The following CDKL4 variants were observed in gnomAD, a reference collection of about 807,000 sequenced individuals.
CDKL4 encodes cyclin dependent kinase like 4, also known as cyclin-dependent kinase-like 4.
Under a neutral mutation model 42.0 loss-of-function variants are expected in CDKL4, and 44 were observed. The ratio of observed to expected loss-of-function variants is 1.05; its 90% CI spans 0.82 to 1.35. CDKL4 has a LOEUF of 1.35. CDKL4 is among the 40% of genes most tolerant of loss of function. The pLI, the probability that CDKL4 is intolerant of heterozygous loss-of-function variation, is 0.00. For missense variants in CDKL4, 393 were observed against 369.9 expected (o/e 1.06, Z -0.51); for synonymous variants, 120 against 121.6 (o/e 0.99, Z 0.09).
intron 1 of CDKL4, among the ~76,000 whole-genome samples, chr2:39,233,734 A>C (rs962971915): frequency 5.3e-5 from 8 of 151,702 alleles, no homozygotes; most frequent in African/African-American, 1.9e-4. Flanking sequence ...TACAAAAAAA[A>C]ACACACAAAA....
At chr2:39,205,500 G>A (rs888628857) in intron 4 of CDKL4, among the ~76,000 whole-genome samples, 2 of 151,448 alleles carry the variant, frequency 1.3e-5, no homozygotes, top group Non-Finnish European at 2.9e-5. Flanking sequence ...GGTGGCTCGC[G>A]CCTGTAATCC....
chr2:39,175,951 A>T, exon 10 of CDKL4: 1 of 456,314 alleles, frequency 2.2e-6, no homozygotes, highest in Non-Finnish European at 4.5e-6. Context: ...ACTTGTACAA[A>T]ATGTGTACAT....
chr2:39,207,137 G>A (rs929285153), intron 4 of CDKL4, among the ~76,000 whole-genome samples: 1 of 152,164 alleles, frequency 6.6e-6, no homozygotes, highest in Non-Finnish European at 1.5e-5. Flanking sequence ...TGTAATACTT[G>A]CGCTTTGGGA....
Position 39,176,109 on chromosome 2 carries a change from C to A in CDKL4, c.928-13G>T, listed in dbSNP as rs1358519231. On this transcript the variant is annotated splice_polypyrimidine_tract_variant and intron_variant, in intron 9 of 9. Transcript: ENST00000451199. ...GCAACAGTTGATTCTAATAGCAGAA[C>A]AAGACAACAATAAGAAAGCAAATTG... 4.4e-6 allele frequency: 2 copies of A among 459,496 alleles called. No individual in the cohort carries two copies. Among genetic ancestry groups the A allele is most frequent in the Non-Finnish European group, 8.9e-6 (2 of 223,974 alleles). The allele number at this position is 459,496 out of a possible 1,614,324, so 28.5% of individuals were successfully genotyped here. A position where few individuals can be genotyped will look rare whatever the true frequency, so the allele number is the denominator to read the frequency against.
chr2:39,215,197 A>C (rs527296048), intron 3 of CDKL4, among the ~76,000 whole-genome samples: 1 of 152,352 alleles, frequency 6.6e-6, no homozygotes, highest in African/African-American at 2.4e-5. Context: ...GGTTAAAATA[A>C]AAAGATGTCT....
intron 1 of CDKL4, among the ~76,000 whole-genome samples, chr2:39,239,254 GAA>G (rs1295457529): frequency 1.4e-5 from 2 of 142,092 alleles, no homozygotes; most frequent in African/African-American, 5.2e-5. Flanking sequence ...ATAACTTCTA[GAA>G]AAAAAAAAAG....
intron 5 of CDKL4, among the ~76,000 whole-genome samples, chr2:39,203,290 G>A (rs1444100735): frequency 6.6e-6 from 1 of 152,180 alleles, no homozygotes; most frequent in Non-Finnish European, 1.5e-5. Context: ...AAGAAGCTTT[G>A]CCAGCCCATG....
At chr2:39,245,600 C>G (rs1420446252), upstream of CDKL4, among the ~76,000 whole-genome samples, 3 of 152,206 alleles carry the variant, frequency 2.0e-5, no homozygotes, top group African/African-American at 2.4e-5. Flanking sequence ...TGAGAGCGCT[C>G]AGGAAACATT....
chr2:39,184,621 A>G (rs1415390308), exon 8 of CDKL4: 1 of 1,612,330 alleles, frequency 6.2e-7, no homozygotes, highest in Non-Finnish European at 8.5e-7. Context: ...CAGGATGAAC[A>G]TCTGAGAACT....
intron 5 of CDKL4, among the ~76,000 whole-genome samples, chr2:39,201,612 T>C (rs1325676363): frequency 1.3e-5 from 2 of 152,124 alleles, no homozygotes; most frequent in Non-Finnish European, 2.9e-5. Context: ...ATGTGGTATA[T>C]ATATACCGCA....
At chr2:39,175,945 G>A in exon 10 of CDKL4, 1 of 448,578 alleles carries the variant, frequency 2.2e-6, no homozygotes, top group South Asian at 1.7e-5. Flanking sequence ...TATCTCACTT[G>A]TACAAAATGT....
intron 3 of CDKL4, among the ~76,000 whole-genome samples, chr2:39,219,619 C>G (rs934965759): frequency 6.6e-6 from 1 of 152,018 alleles, no homozygotes; most frequent in Admixed American, 6.6e-5. Flanking sequence ...CGGGATTTCA[C>G]CCTGTTGCCC....
intron 5 of CDKL4, among the ~76,000 whole-genome samples, chr2:39,193,223 T>TA (rs1211605352): frequency 6.8e-6 from 1 of 147,124 alleles, no homozygotes; most frequent in Non-Finnish European, 1.5e-5. Flanking sequence ...CACTTGAGCC[T>TA]AGATATTCGA....
intron 9 of CDKL4, among the ~76,000 whole-genome samples, chr2:39,177,102 T>C (rs1010537051): frequency 6.6e-6 from 1 of 152,186 alleles, no homozygotes; most frequent in East Asian, 1.9e-4. Context: ...ATTCTCTAGG[T>C]GCATGCTGCC....
At chr2:39,233,893 T>C (rs1250931596) in intron 1 of CDKL4, among the ~76,000 whole-genome samples, 2 of 145,418 alleles carry the variant, frequency 1.4e-5, no homozygotes, top group Admixed American at 7.1e-5. Context: ...TATATATATA[T>C]ATATAAATTT....
chr2:39,213,896 TTTGTTTTGTTTTGTTTTG>T (rs1381347453), intron 3 of CDKL4, among the ~76,000 whole-genome samples: 27 of 131,256 alleles, frequency 2.1e-4, no homozygotes, highest in African/African-American at 8.7e-4. Flanking sequence ...CTTTTTTTGT[TTTGTTTTGTTTTGTTTTG>T]TTTTGTTTTG....
chr2:39,184,082 C>T (rs541434060), intron 8 of CDKL4, among the ~76,000 whole-genome samples: 1 of 152,262 alleles, frequency 6.6e-6, no homozygotes, highest in East Asian at 1.9e-4. Context: ...CTGTATTTTT[C>T]AAAAGTTCCC....
exon 5 of CDKL4, chr2:39,204,538 G>A: frequency 1.9e-6 from 3 of 1,604,994 alleles, no homozygotes; most frequent in South Asian, 1.1e-5. Flanking sequence ...CAGAATTTGT[G>A]CAAACCCGAA....
At chr2:39,168,756 TTTTG>T in the CDKL4 span, among the ~76,000 whole-genome samples, 5 of 151,310 alleles carry the variant, frequency 3.3e-5, no homozygotes, top group East Asian at 3.9e-4. Flanking sequence ...TTTTTTGTTT[TTTTG>T]TTTGTTTGTT....
Sources: allele counts gnomAD v4.1 joint callset (sites outside exome capture counted in the v4.1 genomes callset), GRCh38; gene constraint gnomAD v4.1.1; transcripts MANE v1.5; gene names NCBI Gene and HGNC (gene_info 2026-07-23, HGNC 2026-07-21).